Variants in MYMK observed in about 807,000 individuals in gnomAD.
The protein encoded by MYMK is myomaker, myoblast fusion factor, also known as protein myomaker.
A neutral mutation model predicts 22.4 loss-of-function variants in MYMK; 16 were observed. The ratio of observed to expected loss-of-function variants is 0.72; its 90% confidence interval spans 0.48 to 1.09. The LOEUF (loss-of-function observed/expected upper bound fraction) is 1.09. Among genes scored for constraint, MYMK ranks in the 50% least tolerant of loss-of-function variants. The pLI is 0.00. For missense variants in MYMK, 250 were observed against 295.6 expected, an observed-to-expected ratio of 0.85 and a Z score of 1.13; for synonymous variants, 125 against 127.0, an observed-to-expected ratio of 0.98 and a Z score of 0.11.
intron 1 of MYMK, among the ~76,000 whole-genome samples, chr9:133,521,188 A>G (rs1844699100): frequency 6.6e-6 from 1 of 152,198 alleles, no homozygotes; most frequent in South Asian, 2.1e-4. Context: ...CAAAGCAGTC[A>G]ACTACTTTTC....
chr9:133,522,015 C>T (rs1185286151), intron 1 of MYMK, among the ~76,000 whole-genome samples: 1 of 152,248 alleles, frequency 6.6e-6, no homozygotes, highest in East Asian at 1.9e-4. Context: ...GGACGCCAGG[C>T]TCTGAGAATT....
intron 1 of MYMK, among the ~76,000 whole-genome samples, chr9:133,522,014 G>A (rs1844708794): frequency 6.6e-6 from 1 of 152,216 alleles, no homozygotes; most frequent in Non-Finnish European, 1.5e-5. Flanking sequence ...GGGACGCCAG[G>A]CTCTGAGAAT....
chr9:133,524,548 C>G (rs577296322), intron 1 of MYMK, among the ~76,000 whole-genome samples, 162 bp downstream of exon 1: 1 of 152,314 alleles, frequency 6.6e-6, no homozygotes, highest in African/African-American at 2.4e-5. Context: ...AGGGACTCCC[C>G]TAGTCCTCTC....
At chr9:133,524,169 G>A (rs909975332) in intron 1 of MYMK, among the ~76,000 whole-genome samples, 2 of 151,890 alleles carry the variant, frequency 1.3e-5, no homozygotes, top group African/African-American at 4.8e-5. Context: ...AGAGAGAGAA[G>A]TAGGCCCCAG....
rs1449904144 is a variant in MYMK, at chr9:133,524,921, G to T, written c.-77C>A. 3.3e-6 allele frequency: 5 copies of T among 1,508,270 alleles called. No individual in the cohort carries two copies. The highest frequency in any genetic ancestry group is 4.4e-6 in the Non-Finnish European group (5 of 1,125,104). 93.4% of individuals were successfully genotyped at this position (1,508,270 alleles called of 1,614,324 possible). A position where few individuals can be genotyped will look rare whatever the true frequency, so the allele number is the denominator to read the frequency against. On this transcript the variant is annotated 5_prime_UTR_variant, in exon 1 of 5. Coordinates refer to ENST00000339996, the MANE Select transcript of MYMK (RefSeq NM_001080483.3). ...TCCCCAGCACAGGAGCACGAAGTGGGAAGGCCAGCTCCCTTTGGGCAGGGC... is the reference window on the plus strand; with the variant it reads ...TCCCCAGCACAGGAGCACGAAGTGGTAAGGCCAGCTCCCTTTGGGCAGGGC...
chr9:133,523,623 C>A (rs570949677), intron 1 of MYMK, among the ~76,000 whole-genome samples: 1 of 147,586 alleles, frequency 6.8e-6, no homozygotes, highest in Non-Finnish European at 1.5e-5. Flanking sequence ...GGCTGAATGG[C>A]GAGATGGTAA....
intron 1 of MYMK, among the ~76,000 whole-genome samples, chr9:133,522,498 G>A (rs1185823663): frequency 6.6e-6 from 1 of 152,228 alleles, no homozygotes; most frequent in Non-Finnish European, 1.5e-5. Flanking sequence ...CTTTGGGAGG[G>A]ACTGAGTGTG....
At chr9:133,519,845 C>T (rs1844676561) in intron 2 of MYMK, among the ~76,000 whole-genome samples, 1 of 152,210 alleles carries the variant, frequency 6.6e-6, no homozygotes, top group African/African-American at 2.4e-5. Flanking sequence ...GAGCAGTGAA[C>T]AGCGGTCCTC....
intron 1 of MYMK, among the ~76,000 whole-genome samples, chr9:133,522,922 T>C (rs1218205473): frequency 1.3e-5 from 2 of 152,228 alleles, no homozygotes; most frequent in Non-Finnish European, 2.9e-5. Context: ...TTTCTTCATC[T>C]GCCAAATGGG....
intron 1 of MYMK, among the ~76,000 whole-genome samples, chr9:133,523,767 G>A (rs1430637048): frequency 6.6e-6 from 1 of 151,726 alleles, no homozygotes; most frequent in African/African-American, 2.4e-5. Context: ...CACATGGAGA[G>A]TCAGGGGACT....
Position 133,515,401 on chromosome 9 carries a change from C to A in MYMK, c.516+90G>T, listed in dbSNP as rs117738398. On this transcript the variant is annotated intron_variant, in intron 4 of 4. Transcript: ENST00000339996. The surrounding 1 kb of genome is among the most constrained non-coding windows in gnomAD (Gnocchi z 5.8). ...TGGCCTGGGGCTGTCAGAGTCCCCC[C>A]AGCGTGGGCACAGCCCTGGTATCCC... The A allele has an allele frequency of 3.1e-3, 2,734 of 885,356 alleles. 86 individuals carry two copies. In the East Asian group the frequency reaches 0.057, roughly 18 times the overall value. 54.8% of individuals were successfully genotyped at this position (885,356 alleles called of 1,614,324 possible).
rs933150746 is a variant in MYMK, at chr9:133,518,988, T to C, written c.285A>G (p.Thr95=). 2.2e-5 allele frequency: 35 copies of C among 1,613,782 alleles called. No individual in the cohort carries two copies. Among genetic ancestry groups the C allele is most frequent in the African/African-American group, 1.7e-4 (13 of 74,878 alleles). ...LADFDEPKRS[T]FVMFGVLTIA... is the part of the protein sequence containing the mutation. ...TGGTCAGGACGCCGAACATCACAAATGTTGACCTCTTGGGTTCGTCGAAGT... is the reference window on the plus strand; with the variant it reads ...TGGTCAGGACGCCGAACATCACAAACGTTGACCTCTTGGGTTCGTCGAAGT... The change falls in exon 3 of 5, where the codon ACA becomes ACG. Residue 95 remains threonine, a synonymous_variant. Coordinates refer to ENST00000339996, the MANE Select transcript of MYMK (RefSeq NM_001080483.3).
chr9:133,521,589 A>G (rs1347219660), intron 1 of MYMK, among the ~76,000 whole-genome samples: 1 of 152,234 alleles, frequency 6.6e-6, no homozygotes, highest in Non-Finnish European at 1.5e-5. Flanking sequence ...AGGCTCATCC[A>G]GAAGACTATG....
chr9:133,523,682 GGAGAGA>G (rs35845164), intron 1 of MYMK, among the ~76,000 whole-genome samples: 7,407 of 121,400 alleles, frequency 0.061, 257 homozygotes, highest in Non-Finnish European at 0.079. Flanking sequence ...AGAGATAGAT[GGAGAGA>G]GAGAGAGAGA....
Position 133,515,519 on chromosome 9 carries a change from A to G in MYMK, c.488T>C (p.Leu163Pro). The G allele has an allele frequency of 1.2e-6, 2 of 1,612,992 alleles. No individual in the cohort carries two copies. Among genetic ancestry groups the G allele is most frequent in the Non-Finnish European group, 1.7e-6 (2 of 1,179,014 alleles). The stretch of plus-strand genomic sequence containing the variant: ...AAAGAAGAAGCGTAGCATCAGGGCC[A>G]GCGCCCCGAAGCAGAGGCCGGGGCC... ...QIGPGLCFGA[L>P]ALMLRFFFED... Residue 163 changes from leucine to proline, a missense_variant, in exon 4 of 5, where the codon CTG becomes CCG. Leu to Pro is a moderately conservative substitution (Grantham distance 98). Coordinates refer to ENST00000339996, the MANE Select transcript of MYMK (RefSeq NM_001080483.3). This position sits in a 1 kb window ranked among gnomAD's most constrained non-coding sequence, Gnocchi z 5.8.
intron 3 of MYMK, 36 bp downstream of exon 3, chr9:133,518,838 T>A (rs918682307): frequency 1.3e-6 from 2 of 1,588,226 alleles, no homozygotes; most frequent in Non-Finnish European, 1.7e-6. Context: ...ACGGGCCTCC[T>A]GGGTCCCCGT....
chr9:133,522,716 G>A (rs756851922), intron 1 of MYMK, among the ~76,000 whole-genome samples: 9 of 152,188 alleles, frequency 5.9e-5, no homozygotes, highest in Middle Eastern at 3.2e-3. Flanking sequence ...TTCTCCCTGC[G>A]CTAAGGCCAT....
chr9:133,518,968 A>G lies in MYMK; in HGVS notation c.305T>C (p.Leu102Pro), dbSNP rs1432065625. 1 of 1,613,918 alleles carries G rather than the reference A, an allele frequency of 6.2e-7. No individual in the cohort carries two copies. Among genetic ancestry groups the G allele is most frequent in the Non-Finnish European group, 8.5e-7 (1 of 1,180,028 alleles). ...ATGGTAGATCCGCACAGCAATGGTCAGGACGCCGAACATCACAAATGTTGA... is the reference window on the plus strand; with the variant it reads ...ATGGTAGATCCGCACAGCAATGGTCGGGACGCCGAACATCACAAATGTTGA... The part of the protein sequence containing the change: ...KRSTFVMFGV[L>P]TIAVRIYHDR... Residue 102 changes from leucine (L) to proline (P), a missense_variant, in exon 3 of 5, where the codon CTG (leucine) becomes CCG (proline). Transcript: ENST00000339996.
intron 2 of MYMK, among the ~76,000 whole-genome samples, chr9:133,519,336 G>A (rs890550470): frequency 3.9e-5 from 6 of 152,180 alleles, no homozygotes; most frequent in African/African-American, 1.4e-4. Context: ...GGAGGCAGAG[G>A]CAGGAGGATC....
Sources: allele counts gnomAD v4.1 joint callset (sites outside exome capture counted in the v4.1 genomes callset), GRCh38; gene constraint gnomAD v4.1.1; non-coding constraint Gnocchi (gnomAD v3.1); transcripts MANE v1.5; gene names NCBI Gene and HGNC (gene_info 2026-07-23, HGNC 2026-07-21).